PPFIA4: variants seen among roughly 807,000 people sequenced by gnomAD.
PPFIA4 encodes liprin-alpha-4.
In PPFIA4, 98 loss-of-function variants were observed where a neutral mutation model predicts 145.7. The observed-to-expected ratio is 0.67, with a 90% CI of 0.57 to 0.80. The LOEUF (loss-of-function observed/expected upper bound fraction) is 0.80, where lower values mean the gene tolerates loss of function less well. Among genes scored for constraint, PPFIA4 ranks in the 30% least tolerant of loss-of-function variants. PPFIA4 has a pLI of 0.00. For synonymous variants in PPFIA4, 628 were observed against 649.6 expected (o/e 0.97, Z 0.51); for missense variants, 1,457 against 1,632.7 (o/e 0.89, Z 1.85).
Position 203,076,365 on chromosome 1 carries a change from A to G in PPFIA4, c.3599A>G (p.His1200Arg). The G allele has an allele frequency of 6.2e-7, 1 of 1,607,766 alleles. No individual in the cohort carries two copies. The highest frequency in any genetic ancestry group is 2.2e-5 in the East Asian group (1 of 44,852). ...GCTCACTCCCACTATCTCTACGGAC[A>G]CATGCTCTCCGCCTTCCGGGACTAG... Reference protein sequence around the residue: ...PEAHSHYLYGHMLSAFRD With the variant: ...PEAHSHYLYGRMLSAFRD Residue 1200 changes from histidine to arginine, a missense_variant, in exon 30 of 30, where the codon CAC becomes CGC. Physicochemically the swap from His to Arg is conservative, Grantham distance 29. Transcript: ENST00000295706.
chr1:203,026,908 G>T lies in PPFIA4; in HGVS notation c.-400+279G>T, dbSNP rs150310073. Among the ~76,000 whole-genome samples, 4 of 152,298 alleles carry T rather than the reference G, an allele frequency of 2.6e-5. No homozygotes were observed. The East Asian group carries it at 7.7e-4, about 29-fold the overall frequency. On this transcript the variant is annotated intron_variant, in intron 1 of 29. Coordinates refer to ENST00000295706, the MANE Select transcript of PPFIA4 (RefSeq NM_001304331.2). ...TGCTCCATCGGCTTCAGGGGAGGGGGCCGAGTTGGCGAGTCTCCCGGTGGG... is the reference window on the plus strand; with the variant it reads ...TGCTCCATCGGCTTCAGGGGAGGGGTCCGAGTTGGCGAGTCTCCCGGTGGG...
At chr1:203,051,536 A>C in intron 13 of PPFIA4, 1 of 804,012 alleles carries the variant, frequency 1.2e-6, no homozygotes, top group Non-Finnish European at 1.7e-6. Context: ...GCCAGACGGA[A>C]AACCGCTCTC....
chr1:203,070,104 TTTCTC>T (rs146184787), intron 27 of PPFIA4, among the ~76,000 whole-genome samples: 21,560 of 152,120 alleles, frequency 0.14, 1,744 homozygotes, highest in South Asian at 0.18. Flanking sequence ...GAAATGGACT[TTTCTC>T]TTTCTTTGAT....
At chr1:203,074,758 G>A (rs960024152) in intron 28 of PPFIA4, among the ~76,000 whole-genome samples, 2 of 152,088 alleles carry the variant, frequency 1.3e-5, no homozygotes, top group African/African-American at 4.8e-5. Flanking sequence ...AGTGTGGGGT[G>A]GGGAGGCCTG....
intron 29 of PPFIA4, 184 bp from the exon 30 acceptor site, chr1:203,076,157 G>T (rs1662526683): frequency 1.0e-5 from 7 of 673,836 alleles, no homozygotes; most frequent in Middle Eastern, 2.6e-4. Flanking sequence ...TGCCGGCCTG[G>T]CCCTGCCGCT....
chr1:203,068,332 T>G lies in PPFIA4; in HGVS notation c.3149-121T>G. ...AAGATATGGAAATTTAGGGATGGAG[T>G]GGGGGTCAGAGAGCAGGGTGGACTG... On this transcript the variant is annotated intron_variant, in intron 26 of 29. Transcript: ENST00000295706. The surrounding 1 kb of genome is among the most constrained non-coding windows in gnomAD (Gnocchi z 4.7). 2 of 816,346 alleles carry G rather than the reference T, an allele frequency of 2.4e-6. No individual in the cohort carries two copies. Among genetic ancestry groups the G allele is most frequent in the South Asian group, 2.3e-5 (1 of 43,570 alleles). 50.6% of individuals were successfully genotyped at this position (816,346 alleles called of 1,614,324 possible).
chr1:203,048,520 C>T lies in PPFIA4; in HGVS notation c.1225-63C>T, dbSNP rs143508283. Reference sequence around the variant, plus strand: ...AAGAGGACAGGGGAGGGAGTCAAACCCCAGCAGGAGAGGGTGGTCCTCCCT... The same window carrying T: ...AAGAGGACAGGGGAGGGAGTCAAACTCCAGCAGGAGAGGGTGGTCCTCCCT... On this transcript the variant is annotated intron_variant, in intron 10 of 29. Transcript: ENST00000295706. The surrounding 1 kb of genome is among the most constrained non-coding windows in gnomAD (Gnocchi z 5.8). The T allele has an allele frequency of 1.9e-6, 3 of 1,550,174 alleles. No homozygotes were observed. The highest frequency in any genetic ancestry group is 2.6e-6 in the Non-Finnish European group (3 of 1,146,990).
Position 203,048,018 on chromosome 1 carries a change from C to T in PPFIA4, c.1141-209C>T, listed in dbSNP as rs1660206574. On this transcript the variant is annotated intron_variant, in intron 9 of 29. Transcript: ENST00000295706. The surrounding 1 kb of genome is among the most constrained non-coding windows in gnomAD (Gnocchi z 5.8). ...AGGCTAGGCCTGAGCGAGGAGGAGG[C>T]AGGGGAGACCTGGCAGGTATTGAAG... is the stretch of plus-strand genomic sequence containing the variant. Among the ~76,000 whole-genome samples the T allele has an allele frequency of 6.6e-6, 1 of 152,162 alleles. No individual in the cohort carries two copies. The highest frequency in any genetic ancestry group is 2.4e-5 in the African/African-American group (1 of 41,438).
In PPFIA4 at chr1:203,060,506, G is replaced by GC; in HGVS notation, c.2784+90dup. On this transcript the variant is annotated intron_variant, in intron 22 of 29. Coordinates refer to ENST00000295706, the MANE Select transcript of PPFIA4 (RefSeq NM_001304331.2). The surrounding 1 kb of genome is among the most constrained non-coding windows in gnomAD (Gnocchi z 4.8). ...CCTGTTGGGCTTTGGGAAGATGGCA[G>GC]CATTGAGCCCTGCCCCTTCCTTCCC... 5 of 1,362,554 alleles carry GC rather than the reference G, an allele frequency of 3.7e-6. No homozygotes were observed. The highest frequency in any genetic ancestry group is 5.1e-6 in the Non-Finnish European group (5 of 973,928). The allele number at this position is 1,362,554 out of a possible 1,614,324, so 84.4% of individuals were successfully genotyped here. A position where few individuals can be genotyped will look rare whatever the true frequency, so the allele number is the denominator to read the frequency against.
At position 203,055,449 on chromosome 1, in the gene PPFIA4, A is replaced by G. The variant is rs1660865329; in HGVS notation, c.1847A>G (p.Lys616Arg). The G allele has an allele frequency of 6.2e-7, 1 of 1,613,972 alleles. No homozygotes were observed. Among genetic ancestry groups the G allele is most frequent in the Middle Eastern group, 1.6e-4 (1 of 6,062 alleles). The change falls in exon 16 of 30, where the codon AAG (lysine) becomes AGG (arginine). Residue 616 changes from lysine to arginine, a missense_variant. By Grantham distance (26) the Lys-to-Arg change is conservative. Around this residue, in one of 3 missense-constraint regions of PPFIA4, gnomAD observed 848 missense variants for 1,046.7 expected, o/e 0.81. Transcript: ENST00000295706. This position sits in a 1 kb window ranked among gnomAD's most constrained non-coding sequence, Gnocchi z 4.8. ...CCTTCCAGGATGATTCAGGAAGAGA[A>G]GGAGTCCACGGAGCTCCGCGCGGAG... Reference protein sequence around the residue: ...NEEIRMIQEEKESTELRAEEI... With the variant: ...NEEIRMIQEERESTELRAEEI...
chr1:203,069,348 AG>A (rs1336322681), intron 27 of PPFIA4, among the ~76,000 whole-genome samples: 3 of 152,208 alleles, frequency 2.0e-5, no homozygotes, highest in African/African-American at 7.2e-5. Flanking sequence ...TGCCCCTGTC[AG>A]GCCCCTGGGG....
At chr1:203,037,001 A>G (rs1055688931) in intron 1 of PPFIA4, among the ~76,000 whole-genome samples, 2 of 152,092 alleles carry the variant, frequency 1.3e-5, no homozygotes, top group Non-Finnish European at 2.9e-5. Flanking sequence ...CTGTGTTTCT[A>G]TCTTGGGGCA....
In PPFIA4 at chr1:203,045,964, A is replaced by C. The variant is rs1470328328; in HGVS notation, c.982A>C (p.Asn328His). 6.2e-7 allele frequency: 1 copy of C among 1,612,754 alleles called. No individual in the cohort carries two copies. ...LNDKLENELA[N>H]KESLHRQCEE... ...TGACAAGCTGGAGAATGAGCTGGCC[A>C]ACAAGGAGTCCCTGCACCGCCAGGT... The change falls in exon 8 of 30, where the codon AAC becomes CAC. Residue 328 changes from asparagine to histidine, a missense_variant. Asn to His is a moderately conservative substitution (Grantham distance 68, BLOSUM62 1). Transcript: ENST00000295706.
At chr1:203,074,852 AG>A (rs1452074649) in intron 28 of PPFIA4, among the ~76,000 whole-genome samples, 1 of 151,326 alleles carries the variant, frequency 6.6e-6, no homozygotes, top group Non-Finnish European at 1.5e-5. Context: ...GGCATGGGTG[AG>A]GGGGGCAGGT....
chr1:203,040,435 A>G (rs1659618762), intron 2 of PPFIA4, among the ~76,000 whole-genome samples: 1 of 152,170 alleles, frequency 6.6e-6, no homozygotes, highest in South Asian at 2.1e-4. Context: ...TGAGTTTCCT[A>G]CACAAAAGTG....
At position 203,053,865 on chromosome 1, in the gene PPFIA4, GCT is replaced by G. The variant is rs765831218; in HGVS notation, c.1736_1737del (p.Ser579CysfsTer28). On this transcript the variant is annotated frameshift_variant, in exon 15 of 30. Coordinates refer to ENST00000295706, the MANE Select transcript of PPFIA4 (RefSeq NM_001304331.2). LOFTEE classifies it high-confidence loss of function. The stretch of plus-strand genomic sequence containing the variant: ...GAGGATGAGCCAGGGGGTCTGGTGG[GCT>G]CTGCGGATGTTGTCTCCCCCAGCGG... 9.0e-6 allele frequency: 14 copies of G among 1,557,818 alleles called. 1 individual carries two copies. In the South Asian group the frequency reaches 1.7e-4, roughly 18 times the overall value.
chr1:203,076,027 C>A (rs1001919915), intron 29 of PPFIA4: 11 of 581,830 alleles, frequency 1.9e-5, no homozygotes, highest in Admixed American at 6.8e-5. Flanking sequence ...CTCCTGCTGA[C>A]CCCCCATCCT....
chr1:203,070,225 G>A (rs1043755670), intron 27 of PPFIA4, among the ~76,000 whole-genome samples: 10 of 151,932 alleles, frequency 6.6e-5, no homozygotes, highest in Admixed American at 1.3e-4. Context: ...TCCTGACCCC[G>A]TCATTGAGCT....
At position 203,077,080 on chromosome 1, in the gene PPFIA4, C is replaced by A; in HGVS notation, c.*690C>A. Reference sequence around the variant, plus strand: ...ATCCCAAATTTGAGTTTGGGAAGAACCAGAGAGAAATGGATCCCTGAGCTC... The same window carrying A: ...ATCCCAAATTTGAGTTTGGGAAGAAACAGAGAGAAATGGATCCCTGAGCTC... On this transcript the variant is annotated 3_prime_UTR_variant, in exon 30 of 30. Transcript: ENST00000295706. 1 of 152,608 alleles carries A rather than the reference C, an allele frequency of 6.6e-6. No homozygotes were observed. Among genetic ancestry groups the A allele is most frequent in the Admixed American group, 6.5e-5 (1 of 15,344 alleles). 9.5% of individuals were successfully genotyped at this position (152,608 alleles called of 1,614,324 possible). A position where few individuals can be genotyped will look rare whatever the true frequency, so the allele number is the denominator to read the frequency against.
Sources: allele counts gnomAD v4.1 joint callset (sites outside exome capture counted in the v4.1 genomes callset), GRCh38; gene constraint gnomAD v4.1.1; regional missense constraint gnomAD v4.1.1; non-coding constraint Gnocchi (gnomAD v3.1); transcripts MANE v1.5; gene names NCBI Gene and HGNC (gene_info 2026-07-23, HGNC 2026-07-21).